RBFOX1: variants seen among roughly 807,000 people sequenced by gnomAD.
RBFOX1 encodes the protein RNA binding fox-1 homolog 1, also known as RNA binding protein fox-1 homolog 1.
Under a neutral mutation model 57.7 loss-of-function variants are expected in RBFOX1, and 8 were observed. That is an observed-to-expected ratio of 0.14 (90% CI 0.08 to 0.25). The LOEUF is 0.25. Ranked by LOEUF, RBFOX1 falls within the 10% of genes least tolerant of loss-of-function variation. RBFOX1 has a pLI of 1.00. For missense variants in RBFOX1, 611 were observed against 548.5 expected (o/e 1.11, Z -1.14); for synonymous variants, 326 against 222.4 (o/e 1.47, Z -4.15).
At chr16:5,315,262 G>C (rs548580830) in intron 1 of RBFOX1, among the ~76,000 whole-genome samples, 1 of 152,178 alleles carries the variant, frequency 6.6e-6, no homozygotes, top group African/African-American at 2.4e-5. Flanking sequence ...GGAGGAGGCC[G>C]TCCGTCTGTC....
At chr16:7,287,808 A>G (rs530463725) in intron 4 of RBFOX1, among the ~76,000 whole-genome samples, 1 of 152,298 alleles carries the variant, frequency 6.6e-6, no homozygotes, top group South Asian at 2.1e-4. Flanking sequence ...TAGATTTTAC[A>G]TATATGGGGT....
In RBFOX1 at chr16:5,278,168, T is replaced by C. The variant is rs1208797062; in HGVS notation, c.219+38063T>C. On this transcript the variant is annotated intron_variant, in intron 1 of 2. Coordinates refer to the RBFOX1 transcript ENST00000585867. ...TTGTTCAGATACTTGCCAGCATTTGTTGTGCTTTGTCTTTTTAATAATAGC... is the reference window on the plus strand; with the variant it reads ...TTGTTCAGATACTTGCCAGCATTTGCTGTGCTTTGTCTTTTTAATAATAGC... Among the ~76,000 whole-genome samples the C allele has an allele frequency of 2.6e-5, 4 of 152,222 alleles. No individual in the cohort carries two copies. The East Asian group carries it at 7.7e-4, about 29-fold the overall frequency.
At chr16:5,931,429 A>G (rs933854784) in intron 4 of RBFOX1, among the ~76,000 whole-genome samples, 3 of 152,150 alleles carry the variant, frequency 2.0e-5, no homozygotes, top group Non-Finnish European at 4.4e-5. Flanking sequence ...AAGTGGGAGA[A>G]AAGTTTGACA....
At chr16:7,129,246 A>G (rs2069515753) in intron 4 of RBFOX1, among the ~76,000 whole-genome samples, 1 of 152,116 alleles carries the variant, frequency 6.6e-6, no homozygotes, top group Non-Finnish European at 1.5e-5. Flanking sequence ...TTCGGCTTGG[A>G]TAGTAACCCC....
intron 2 of RBFOX1, among the ~76,000 whole-genome samples, chr16:5,535,592 C>T (rs576681532): frequency 1.3e-5 from 2 of 152,288 alleles, no homozygotes; most frequent in African/African-American, 2.4e-5. Flanking sequence ...TTACAGCTCT[C>T]CCCACTGGGT....
At chr16:6,765,742 C>G (rs939383728) in intron 3 of RBFOX1, among the ~76,000 whole-genome samples, 3 of 152,120 alleles carry the variant, frequency 2.0e-5, no homozygotes, top group Admixed American at 2.0e-4. Context: ...CCTTAGTGCC[C>G]AGCAACCAAT....
chr16:5,582,164 C>A (rs1170991709), intron 2 of RBFOX1, among the ~76,000 whole-genome samples: 1 of 152,166 alleles, frequency 6.6e-6, no homozygotes, highest in African/African-American at 2.4e-5. Context: ...TACTCTCGCC[C>A]CGGGAGTACC....
intron 2 of RBFOX1, among the ~76,000 whole-genome samples, chr16:6,544,797 G>T (rs1017049191): frequency 6.6e-6 from 1 of 152,182 alleles, no homozygotes; most frequent in Non-Finnish European, 1.5e-5. Flanking sequence ...ATGATGCTGA[G>T]CACGTAGATT....
At chr16:6,714,953 C>T (rs961253562) in intron 3 of RBFOX1, among the ~76,000 whole-genome samples, 1 of 152,044 alleles carries the variant, frequency 6.6e-6, no homozygotes, top group East Asian at 1.9e-4. Context: ...TGTAGAGGCA[C>T]CTTGAAGGAA....
chr16:6,218,472 C>G (rs1354169056), intron 1 of RBFOX1, among the ~76,000 whole-genome samples: 1 of 151,994 alleles, frequency 6.6e-6, no homozygotes, highest in Non-Finnish European at 1.5e-5. Context: ...CCACACCTGG[C>G]TAATTTTTGT....
chr16:7,293,642 TG>T (rs1034994914), intron 4 of RBFOX1, among the ~76,000 whole-genome samples: 4 of 152,138 alleles, frequency 2.6e-5, no homozygotes, highest in African/African-American at 9.7e-5. Context: ...AATTGCAATT[TG>T]GGGACTAAAA....
intron 4 of RBFOX1, among the ~76,000 whole-genome samples, chr16:7,468,323 A>G (rs1316548800): frequency 1.3e-5 from 2 of 152,180 alleles, no homozygotes; most frequent in Non-Finnish European, 2.9e-5. Context: ...TTAGATTATA[A>G]TTAAAACAAT....
At chr16:7,298,275 G>GTTTTT (rs1281918637) in intron 4 of RBFOX1, among the ~76,000 whole-genome samples, 1 of 117,560 alleles carries the variant, frequency 8.5e-6, no homozygotes, top group African/African-American at 3.4e-5. Context: ...TTGTGTATAG[G>GTTTTT]TTTTTTTTTG....
intron 4 of RBFOX1, among the ~76,000 whole-genome samples, chr16:7,292,437 AATATATAATATGTAATGTATT>A (rs1182571548): frequency 7.0e-6 from 1 of 143,624 alleles, no homozygotes; most frequent in African/African-American, 2.6e-5. Context: ...TATTATATAT[AATATATAATATGTAATGTATT>A]ATATATAATA....
intron 4 of RBFOX1, among the ~76,000 whole-genome samples, chr16:5,958,822 C>G (rs900527849): frequency 1.3e-5 from 2 of 152,176 alleles, no homozygotes; most frequent in African/African-American, 2.4e-5. Flanking sequence ...ATCTCTGATA[C>G]TATTGTCTCT....
chr16:5,773,043 C>T lies in RBFOX1; in HGVS notation c.319-94260C>T, dbSNP rs187090424. On this transcript the variant is annotated intron_variant, in intron 3 of 19. Transcript: ENST00000641259. ...AGGGGAAAAGGAAAAGATGAAGTTG[C>T]GGAGGGGCAGGACACCGTTGGGACT... Among the ~76,000 whole-genome samples, 9 of 152,036 alleles carry T rather than the reference C, an allele frequency of 5.9e-5. No homozygotes were observed. In the East Asian group the frequency reaches 9.7e-4, roughly 16 times the overall value.
At chr16:6,382,933 C>A (rs2091945930) in intron 2 of RBFOX1, among the ~76,000 whole-genome samples, 1 of 152,132 alleles carries the variant, frequency 6.6e-6, no homozygotes, top group Non-Finnish European at 1.5e-5. Flanking sequence ...AGAAGCAGCA[C>A]AATAGACCAG....
At chr16:6,780,231 TTA>T (rs1177021037) in intron 3 of RBFOX1, among the ~76,000 whole-genome samples, 5 of 70,446 alleles carry the variant, frequency 7.1e-5, no homozygotes, top group African/African-American at 2.6e-4. Flanking sequence ...ATATATATAT[TTA>T]TATATATTTA....
intron 3 of RBFOX1, among the ~76,000 whole-genome samples, chr16:5,802,430 C>T (rs1169047361): frequency 2.0e-5 from 3 of 151,988 alleles, no homozygotes; most frequent in African/African-American, 4.8e-5. Context: ...GCTGAGGTCC[C>T]TTGTATTCTG....
Sources: gnomAD v4.1 joint callset for allele counts (sites outside exome capture counted in the v4.1 genomes callset) on GRCh38, gnomAD v4.1.1 for gene constraint, MANE v1.5 for transcripts, NCBI Gene and HGNC (gene_info 2026-07-23, HGNC 2026-07-21) for gene names.